The following LINC00305 variants were observed in gnomAD, a reference collection of about 807,000 sequenced individuals.
The protein encoded by LINC00305 is long intergenic non-protein coding RNA 305.
intron 1 of LINC00305, among the ~76,000 whole-genome samples, chr18:64,125,125 G>T (rs1418007919): frequency 6.6e-6 from 1 of 152,052 alleles, no homozygotes; most frequent in African/African-American, 2.4e-5. Flanking sequence ...TTGAAATCTT[G>T]CTAAGACATG....
intron 1 of LINC00305, among the ~76,000 whole-genome samples, chr18:64,129,274 A>G (rs1010202999): frequency 6.6e-6 from 1 of 152,152 alleles, no homozygotes; most frequent in African/African-American, 2.4e-5. Flanking sequence ...TATGCAAGCT[A>G]TTTGATGTGT....
At chr18:64,136,110 C>T (rs2051432428) in intron 1 of LINC00305, among the ~76,000 whole-genome samples, 1 of 152,160 alleles carries the variant, frequency 6.6e-6, no homozygotes, top group South Asian at 2.1e-4. Context: ...CCTGCTTTCT[C>T]AGGAGGATGG....
intron 1 of LINC00305, among the ~76,000 whole-genome samples, chr18:64,118,438 T>A (rs2051347357): frequency 6.6e-6 from 1 of 152,154 alleles, no homozygotes; most frequent in South Asian, 2.1e-4. Context: ...TTTTAATTAT[T>A]TTTAATGTCT....
At chr18:64,110,770 G>T (rs1340015977) in intron 1 of LINC00305, among the ~76,000 whole-genome samples, 1 of 152,170 alleles carries the variant, frequency 6.6e-6, no homozygotes. Flanking sequence ...CAACAAAAGA[G>T]CCTTTGCTTT....
intron 1 of LINC00305, among the ~76,000 whole-genome samples, chr18:64,119,404 A>C (rs538964502): frequency 1.1e-3 from 167 of 152,306 alleles, no homozygotes; most frequent in Non-Finnish European, 1.6e-3. Context: ...TTTTTAACTT[A>C]GCATATTTGT....
chr18:64,082,373 CCA>C (rs1171900111), intron 3 of LINC00305, among the ~76,000 whole-genome samples: 1 of 152,138 alleles, frequency 6.6e-6, no homozygotes, highest in Non-Finnish European at 1.5e-5. Flanking sequence ...TCAGCACTCC[CCA>C]CTCCTGCCAA....
intron 1 of LINC00305, among the ~76,000 whole-genome samples, chr18:64,122,439 G>A (rs1214709896): frequency 2.6e-5 from 4 of 151,988 alleles, no homozygotes; most frequent in South Asian, 2.1e-4. Context: ...TATTGAAAAG[G>A]TTGTCCTTTC....
intron 3 of LINC00305, among the ~76,000 whole-genome samples, chr18:64,085,042 A>G (rs925948230): frequency 6.6e-6 from 1 of 152,194 alleles, no homozygotes; most frequent in Admixed American, 6.5e-5. Context: ...CTAGTGCTCT[A>G]CGAAAAAATT....
At chr18:64,140,491 G>A (rs918023096) in intron 1 of LINC00305, among the ~76,000 whole-genome samples, 1 of 152,130 alleles carries the variant, frequency 6.6e-6, no homozygotes, top group Admixed American at 6.5e-5. Context: ...TTACAGGTGT[G>A]AGCCACCGCA....
Position 64,103,481 on chromosome 18 carries a change from A to C in LINC00305, n.315-4841T>G, listed in dbSNP as rs575497618. 4.6e-5 allele frequency among the ~76,000 whole-genome samples: 7 copies of C among 152,050 alleles called. No homozygotes were observed. The East Asian group carries it at 1.2e-3, about 25-fold the overall frequency. ...TGGTTGTTTTCTCGTTGTCTTCAGCACTCTCCAGTTTCACTAAACTGGGTC... is the reference window on the plus strand; with the variant it reads ...TGGTTGTTTTCTCGTTGTCTTCAGCCCTCTCCAGTTTCACTAAACTGGGTC... On this transcript the variant is annotated intron_variant and non_coding_transcript_variant, in intron 1 of 3. Coordinates refer to ENST00000666468, the Ensembl canonical transcript of LINC00305.
intron 1 of LINC00305, among the ~76,000 whole-genome samples, chr18:64,133,845 A>G: frequency 6.6e-6 from 1 of 152,138 alleles, no homozygotes; most frequent in East Asian, 1.9e-4. Flanking sequence ...CAAAATCCAA[A>G]TCTATTATCG....
chr18:64,122,922 A>G (rs1430861404), intron 1 of LINC00305, among the ~76,000 whole-genome samples: 4 of 152,212 alleles, frequency 2.6e-5, no homozygotes, highest in Middle Eastern at 3.4e-3. Flanking sequence ...AGTTAAATAT[A>G]TACTTAGATA....
At chr18:64,102,411 G>A (rs528816150) in intron 1 of LINC00305, among the ~76,000 whole-genome samples, 5 of 152,256 alleles carry the variant, frequency 3.3e-5, no homozygotes, top group East Asian at 1.9e-4. Flanking sequence ...TCAGCTTCCA[G>A]CAATACGTAC....
intron 1 of LINC00305, among the ~76,000 whole-genome samples, chr18:64,124,720 A>G (rs186959764): frequency 6.6e-6 from 1 of 152,244 alleles, no homozygotes; most frequent in Admixed American, 6.5e-5. Flanking sequence ...AGCAGTCACT[A>G]TGTATCAGGC....
chr18:64,130,985 G>A (rs895351421), intron 1 of LINC00305, among the ~76,000 whole-genome samples: 1 of 152,106 alleles, frequency 6.6e-6, no homozygotes, highest in African/African-American at 2.4e-5. Context: ...GTTGGCCATG[G>A]ATTTAAATTT....
intron 1 of LINC00305, among the ~76,000 whole-genome samples, chr18:64,136,807 T>C (rs1878409): frequency 1 from 152,180 of 152,284 alleles, 76,038 homozygotes; most frequent in East Asian, 1. Context: ...TGTTGTGCCT[T>C]AGGAAGGGAA....
chr18:64,132,800 A>G (rs2051415853), intron 1 of LINC00305, among the ~76,000 whole-genome samples: 1 of 152,164 alleles, frequency 6.6e-6, no homozygotes, highest in African/African-American at 2.4e-5. Flanking sequence ...GCAGTGCTGG[A>G]AAAATGGCTG....
At chr18:64,117,078 A>G (rs1217195170) in intron 1 of LINC00305, among the ~76,000 whole-genome samples, 1 of 152,194 alleles carries the variant, frequency 6.6e-6, no homozygotes, top group African/African-American at 2.4e-5. Flanking sequence ...GCTCACTCTA[A>G]TAAATCCGGT....
At chr18:64,117,008 T>C (rs1361760417) in intron 1 of LINC00305, among the ~76,000 whole-genome samples, 1 of 152,226 alleles carries the variant, frequency 6.6e-6, no homozygotes, top group East Asian at 1.9e-4. Context: ...ACAATGAGTT[T>C]CATTCTTCAC....
Sources: allele counts gnomAD v4.1 joint callset (sites outside exome capture counted in the v4.1 genomes callset), GRCh38; gene constraint gnomAD v4.1.1; transcripts MANE v1.5; gene names NCBI Gene and HGNC (gene_info 2026-07-23, HGNC 2026-07-21).